Variants in RBM6 observed in about 807,000 individuals in gnomAD.
RBM6 encodes RNA-binding protein 6.
A neutral mutation model predicts 140.4 loss-of-function variants in RBM6; 23 were observed. The observed-to-expected ratio is 0.16, with a 90% CI of 0.12 to 0.23. The LOEUF (loss-of-function observed/expected upper bound fraction) is 0.23, where lower values mean the gene tolerates loss of function less well. Among genes scored for constraint, RBM6 ranks in the 10% least tolerant of loss-of-function variants. The pLI is 1.00. For synonymous variants in RBM6, 439 were observed against 475.6 expected (o/e 0.92, Z 1.00); for missense variants, 1,139 against 1,386.7 (o/e 0.82, Z 2.84).
intron 6 of RBM6, among the ~76,000 whole-genome samples, chr3:50,047,849 C>T (rs576853357): frequency 6.6e-6 from 1 of 152,322 alleles, no homozygotes; most frequent in Non-Finnish European, 1.5e-5. Flanking sequence ...AAGAAGAGGG[C>T]TCCTCTGCCT....
At chr3:50,026,901 CAAAAAAAA>C (rs139771207) in intron 6 of RBM6, among the ~76,000 whole-genome samples, 7 of 119,548 alleles carry the variant, frequency 5.9e-5, no homozygotes, top group African/African-American at 2.2e-4. Flanking sequence ...CTTGTCTCAC[CAAAAAAAA>C]AAAAAAAAAA....
At chr3:50,002,900 AG>A (rs2086406803) in intron 6 of RBM6, among the ~76,000 whole-genome samples, 2 of 152,048 alleles carry the variant, frequency 1.3e-5, no homozygotes, top group Admixed American at 6.6e-5. Context: ...GCGGATCATG[AG>A]GTCAGGAGAG....
chr3:49,945,645 G>C (rs1346020053), intron 1 of RBM6, among the ~76,000 whole-genome samples: 1 of 152,080 alleles, frequency 6.6e-6, no homozygotes, highest in Admixed American at 6.6e-5. Context: ...CACTTTGGGA[G>C]GCTGAGGCAG....
intron 6 of RBM6, among the ~76,000 whole-genome samples, chr3:50,024,009 G>A (rs188597720): frequency 6.6e-4 from 100 of 152,170 alleles, no homozygotes; most frequent in African/African-American, 2.2e-3. Context: ...TGAAAGAATC[G>A]TTTGTCGTAA....
intron 5 of RBM6, among the ~76,000 whole-genome samples, chr3:49,990,833 G>A (rs1391606177): frequency 6.6e-6 from 1 of 152,164 alleles, no homozygotes; most frequent in Non-Finnish European, 1.5e-5. Flanking sequence ...GTTCAGGAAT[G>A]ATGTTTTGAA....
At chr3:49,953,147 C>T in intron 1 of RBM6, among the ~76,000 whole-genome samples, 1 of 151,884 alleles carries the variant, frequency 6.6e-6, no homozygotes, top group South Asian at 2.1e-4. Context: ...GCTGAAACTC[C>T]CATGCTCAAG....
At chr3:50,074,969 G>C (rs1474386198) in intron 19 of RBM6, among the ~76,000 whole-genome samples, 1 of 151,544 alleles carries the variant, frequency 6.6e-6, no homozygotes, top group African/African-American at 2.4e-5. Flanking sequence ...CCAACACAGT[G>C]AAACTCTGTC....
chr3:49,968,435 C>T lies in RBM6; in HGVS notation c.1010C>T (p.Ser337Leu), dbSNP rs1263606689. 2 of 1,614,140 alleles carry T rather than the reference C, an allele frequency of 1.2e-6. No homozygotes were observed. The highest frequency in any genetic ancestry group is 1.7e-6 in the Non-Finnish European group (2 of 1,180,038). The change falls in exon 3 of 21, where the codon TCA becomes TTA. Residue 337 changes from serine (S) to leucine (L), a missense_variant. Physicochemically the swap from Ser to Leu is moderately radical, Grantham distance 145. This residue lies in a region of RBM6 where 566 missense variants were observed against 612.7 expected (regional missense o/e 0.92). Coordinates refer to ENST00000266022, the MANE Select transcript of RBM6 (RefSeq NM_005777.3). ...FGIQKGEFEH[S>L]ETREGETQGV... The stretch of plus-strand genomic sequence containing the variant: ...ATTCAGAAGGGAGAATTTGAGCATT[C>T]AGAAACAAGAGAAGGAGAAACACAA...
At chr3:50,051,200 TGTG>T (rs987287363) in intron 7 of RBM6, among the ~76,000 whole-genome samples, 7 of 150,892 alleles carry the variant, frequency 4.6e-5, no homozygotes, top group African/African-American at 1.7e-4. Context: ...TTTAACTGGG[TGTG>T]GTGGTGCATG....
At chr3:50,074,384 C>T (rs1036688453) in intron 19 of RBM6, among the ~76,000 whole-genome samples, 1 of 151,624 alleles carries the variant, frequency 6.6e-6, no homozygotes, top group Non-Finnish European at 1.5e-5. Flanking sequence ...TGCAATGGCG[C>T]GATATCAGCT....
At chr3:49,972,243 G>T (rs1036537830) in intron 4 of RBM6, 95 bp downstream of exon 4, 6 of 914,816 alleles carry the variant, frequency 6.6e-6, no homozygotes, top group Admixed American at 2.6e-5. Flanking sequence ...AAGGTGCAAA[G>T]AAATGCACAG....
intron 6 of RBM6, among the ~76,000 whole-genome samples, chr3:50,011,646 C>T (rs978685685): frequency 2.0e-5 from 3 of 151,986 alleles, no homozygotes; most frequent in Non-Finnish European, 4.4e-5. Context: ...GACACTATGG[C>T]TATCATCTTT....
chr3:50,051,796 A>G (rs2089479265), intron 7 of RBM6, among the ~76,000 whole-genome samples: 1 of 152,252 alleles, frequency 6.6e-6, no homozygotes, highest in Non-Finnish European at 1.5e-5. Context: ...AAGTTGGCAT[A>G]TCCATACAAT....
intron 1 of RBM6, among the ~76,000 whole-genome samples, chr3:49,957,247 T>A (rs911577500): frequency 6.6e-6 from 1 of 152,100 alleles, no homozygotes; most frequent in African/African-American, 2.4e-5. Context: ...GTGCTGGGAT[T>A]ACAGATGTTA....
intron 6 of RBM6, among the ~76,000 whole-genome samples, chr3:50,024,277 A>T (rs1237931526): frequency 6.6e-6 from 1 of 152,176 alleles, no homozygotes; most frequent in East Asian, 1.9e-4. Context: ...CCTTTTATTG[A>T]CGTATACATA....
chr3:50,001,918 G>T (rs1281718052), intron 6 of RBM6, among the ~76,000 whole-genome samples: 2 of 152,156 alleles, frequency 1.3e-5, no homozygotes, highest in African/African-American at 4.8e-5. Context: ...TTTTAGAGGG[G>T]TGGTCAGGGA....
rs367642016 is a variant in RBM6 at position 49,972,014 on chromosome 3, G to T, written c.1324-45G>T. 7.2e-6 allele frequency: 10 copies of T among 1,380,202 alleles called. No homozygotes were observed. The African/African-American group carries it at 1.4e-4, about 20-fold the overall frequency. 85.5% of individuals were successfully genotyped at this position (1,380,202 alleles called of 1,614,324 possible). On this transcript the variant is annotated intron_variant, in intron 3 of 20. Transcript: ENST00000266022. Reference sequence around the variant, plus strand: ...AATTTCATGTTGATTTGTGTTTTGTGCAGTAAAGTATATTTGTGAAATAAT... The same window carrying T: ...AATTTCATGTTGATTTGTGTTTTGTTCAGTAAAGTATATTTGTGAAATAAT...
chr3:50,031,934 A>G (rs1467163591), intron 6 of RBM6, among the ~76,000 whole-genome samples: 2 of 152,220 alleles, frequency 1.3e-5, no homozygotes, highest in Non-Finnish European at 2.9e-5. Context: ...GCCTGTATCA[A>G]AACATCTCCT....
intron 6 of RBM6, among the ~76,000 whole-genome samples, chr3:50,022,812 T>G (rs1351402730): frequency 2.6e-5 from 4 of 151,870 alleles, no homozygotes; most frequent in Non-Finnish European, 5.9e-5. Flanking sequence ...ATAAGGGAGT[T>G]TGGGGGCTGG....
Sources: allele counts gnomAD v4.1 joint callset (sites outside exome capture counted in the v4.1 genomes callset), GRCh38; gene constraint gnomAD v4.1.1; regional missense constraint gnomAD v4.1.1; transcripts MANE v1.5; gene names NCBI Gene and HGNC (gene_info 2026-07-23, HGNC 2026-07-21).